The following CELF1 variants were observed in gnomAD, a reference collection of about 807,000 sequenced individuals.
The protein encoded by CELF1 is 50 kDa nuclear polyadenylated RNA-binding protein.
In CELF1, 10 loss-of-function variants were observed where a neutral mutation model predicts 61.8. The observed-to-expected ratio is 0.16, with a 90% CI of 0.10 to 0.27. CELF1 has a LOEUF of 0.27. CELF1 is among the 10% of genes least tolerant of loss of function. The probability of loss-of-function intolerance (pLI) is 1.00; values close to 1 mark genes in which losing one functional copy is unlikely to be tolerated. For synonymous variants in CELF1, 236 were observed against 225.1 expected (o/e 1.05, Z -0.43); for missense variants, 380 against 639.1 (o/e 0.59, Z 4.37).
chr11:47,484,293 TGAGA>T, intron 7 of CELF1, 92 bp downstream of exon 7: 1 of 1,349,734 alleles, frequency 7.4e-7, no homozygotes, highest in South Asian at 1.3e-5. Context: ...CCAGCCTGGG[TGAGA>T]GAGAGCAAGA....
At position 47,477,296 on chromosome 11, in the gene CELF1, C is replaced by G; in HGVS notation, c.973+1G>C. 6.2e-7 allele frequency: 1 copy of G among 1,614,046 alleles called. No homozygotes were observed. ...GCACACTGGGTCATCCTCATGCTTA[C>G]CTGAACTAGTGAGCACGCTGAGGGG... is the stretch of plus-strand genomic sequence containing the variant. On this transcript the variant is annotated splice_donor_variant, in intron 11 of 14. Transcript: ENST00000687097. LOFTEE classifies it high-confidence loss of function.
intron 1 of CELF1, among the ~76,000 whole-genome samples, chr11:47,533,853 G>A (rs963113409): frequency 1.4e-5 from 2 of 145,850 alleles, no homozygotes; most frequent in Non-Finnish European, 3.0e-5. Context: ...AACTATTTTA[G>A]TGACACTCTG....
At chr11:47,562,697 TTTTTG>T (rs1315376126) in intron 2 of CELF1, among the ~76,000 whole-genome samples, 2 of 151,662 alleles carry the variant, frequency 1.3e-5, no homozygotes, top group Admixed American at 6.6e-5. Context: ...GATCAGTTTT[TTTTTG>T]TTTTGTTTTG....
chr11:47,483,629 C>T, intron 7 of CELF1, 97 bp from the exon 8 acceptor site: 1 of 842,126 alleles, frequency 1.2e-6, no homozygotes, highest in Non-Finnish European at 2.0e-6. Flanking sequence ...GCTAGCAATA[C>T]AGACACAGTC....
chr11:47,545,914 T>TAC (rs2096931954), intron 1 of CELF1, among the ~76,000 whole-genome samples: 1 of 126,112 alleles, frequency 7.9e-6, no homozygotes, highest in African/African-American at 3.5e-5. Flanking sequence ...TGTATATATA[T>TAC]ATTTTTTTTT....
chr11:47,563,968 GCA>G (rs2097235275), intron 2 of CELF1, among the ~76,000 whole-genome samples: 1 of 151,536 alleles, frequency 6.6e-6, no homozygotes, highest in South Asian at 2.1e-4. Flanking sequence ...TCACGCCATT[GCA>G]CTCCAGCTTG....
chr11:47,486,751 A>G lies in CELF1; in HGVS notation c.390T>C (p.Asn130=). ...GGAAGATTGTATACATTTGCTTACC[A>G]TTGTTCTTCTCACTGTCAGCAGGTT... ...QMKPADSEKN[N]AVEDRKLFIG... is the part of the protein sequence containing the mutation. The change falls in exon 6 of 15, where the codon AAT becomes AAC. Residue 130 remains asparagine (N), a splice_region_variant and synonymous_variant. Transcript: ENST00000687097. 6.2e-7 allele frequency: 1 copy of G among 1,612,232 alleles called. No homozygotes were observed. The highest frequency in any genetic ancestry group is 8.5e-7 in the Non-Finnish European group (1 of 1,178,248).
intron 13 of CELF1, among the ~76,000 whole-genome samples, chr11:47,475,018 T>C (rs1325959687): frequency 6.6e-6 from 1 of 152,214 alleles, no homozygotes; most frequent in African/African-American, 2.4e-5. Context: ...AGATTTGTAA[T>C]CTGTAGAGAA....
At chr11:47,476,801 C>T (rs1318625648) in intron 12 of CELF1, 45 bp downstream of exon 12, 1 of 1,437,316 alleles carries the variant, frequency 7.0e-7, no homozygotes, top group Non-Finnish European at 9.8e-7. Context: ...AGATGTGCTA[C>T]CTGCACAAAG....
intron 1 of CELF1, among the ~76,000 whole-genome samples, chr11:47,544,075 G>C (rs1418660553): frequency 6.6e-6 from 1 of 152,148 alleles, no homozygotes; most frequent in Non-Finnish European, 1.5e-5. Context: ...AAGGAACAAC[G>C]TCCTGTTTAG....
At chr11:47,538,140 T>C (rs1392764761) in intron 1 of CELF1, among the ~76,000 whole-genome samples, 3 of 152,120 alleles carry the variant, frequency 2.0e-5, no homozygotes, top group African/African-American at 7.2e-5. Context: ...CTCAAACTCC[T>C]GGCCTCAAGC....
intron 1 of CELF1, among the ~76,000 whole-genome samples, chr11:47,552,176 C>T (rs1019715370): frequency 2.6e-5 from 4 of 152,200 alleles, no homozygotes; most frequent in African/African-American, 9.7e-5. Context: ...GAAAGAGATT[C>T]CATTTTGCGG....
chr11:47,481,214 G>A (rs1596306759), intron 9 of CELF1, among the ~76,000 whole-genome samples: 1 of 137,820 alleles, frequency 7.3e-6, no homozygotes, highest in Non-Finnish European at 1.5e-5. Context: ...TGCAACCTCC[G>A]CCTCCCAGGT....
At chr11:47,537,919 T>C (rs1473843229) in intron 1 of CELF1, among the ~76,000 whole-genome samples, 1 of 136,836 alleles carries the variant, frequency 7.3e-6, no homozygotes, top group Non-Finnish European at 1.6e-5. Context: ...TTTTCTTTTC[T>C]TTTTTTTTTT....
chr11:47,486,697 C>T lies in CELF1; in HGVS notation c.391+53G>A, dbSNP rs564812489. ...TGCTGGGATTACAGGTGTGAGCCACCGTGCCTGGCCTAGGCAGAAATCTTA... is the reference window on the plus strand; with the variant it reads ...TGCTGGGATTACAGGTGTGAGCCACTGTGCCTGGCCTAGGCAGAAATCTTA... On this transcript the variant is annotated intron_variant, in intron 6 of 14. Transcript: ENST00000687097. The T allele has an allele frequency of 4.3e-5, 62 of 1,447,678 alleles. No homozygotes were observed. In the Admixed American group the frequency reaches 4.7e-4, roughly 11 times the overall value. 89.7% of individuals were successfully genotyped at this position (1,447,678 alleles called of 1,614,324 possible). A position where few individuals can be genotyped will look rare whatever the true frequency, so the allele number is the denominator to read the frequency against.
At chr11:47,499,315 TGA>T (rs2093609027) in intron 3 of CELF1, 136 bp downstream of exon 3, 3 of 636,036 alleles carry the variant, frequency 4.7e-6, no homozygotes, top group African/African-American at 3.7e-5. Context: ...AATAATAGCA[TGA>T]GAGAATTCAG....
chr11:47,532,602 T>C (rs534838525), intron 1 of CELF1, among the ~76,000 whole-genome samples: 4 of 152,306 alleles, frequency 2.6e-5, no homozygotes, highest in East Asian at 1.9e-4. Context: ...GTGAATCCAA[T>C]GTGTGGGTAG....
intron 1 of CELF1, among the ~76,000 whole-genome samples, chr11:47,511,257 G>C (rs2095134884): frequency 1.3e-5 from 2 of 151,866 alleles, no homozygotes; most frequent in South Asian, 4.2e-4. Context: ...AAGCAGAACT[G>C]TTTTTCTCCT....
intron 1 of CELF1, among the ~76,000 whole-genome samples, chr11:47,501,785 T>C: frequency 6.6e-6 from 1 of 152,124 alleles, no homozygotes; most frequent in Non-Finnish European, 1.5e-5. Flanking sequence ...ATCACGCCAC[T>C]GCACTCCAGC....
Sources: allele counts gnomAD v4.1 joint callset (sites outside exome capture counted in the v4.1 genomes callset), GRCh38; gene constraint gnomAD v4.1.1; transcripts MANE v1.5; gene names NCBI Gene and HGNC (gene_info 2026-07-23, HGNC 2026-07-21).